Variants in DAAM1 observed in about 807,000 individuals in gnomAD.
DAAM1 encodes the protein dishevelled associated activator of morphogenesis 1.
DAAM1 carries 52 observed loss-of-function variants against 130.0 expected under a neutral mutation model. The observed-to-expected ratio is 0.40, with a 90% CI of 0.32 to 0.50. DAAM1 has a LOEUF of 0.50. Among genes scored for constraint, DAAM1 ranks in the 20% least tolerant of loss-of-function variants. The pLI is 0.61. For missense variants in DAAM1, 1,134 were observed against 1,303.8 expected (o/e 0.87, Z 2.01); for synonymous variants, 452 against 444.5 (o/e 1.02, Z -0.21).
At chr14:59,318,468 T>C (rs1043286155) in intron 4 of DAAM1, among the ~76,000 whole-genome samples, 4 of 149,764 alleles carry the variant, frequency 2.7e-5, no homozygotes, top group Non-Finnish European at 5.9e-5. Flanking sequence ...CAAAGAAGCC[T>C]CCACAAGGCC....
At chr14:59,330,367 G>C in intron 12 of DAAM1, 134 bp from the exon 13 acceptor site, 1 of 800,692 alleles carries the variant, frequency 1.2e-6, no homozygotes, top group Non-Finnish European at 1.9e-6. Flanking sequence ...CCCTTTGATG[G>C]AGAAGAGGAA....
At chr14:59,335,504 T>C (rs1885591462) in intron 15 of DAAM1, among the ~76,000 whole-genome samples, 2 of 152,220 alleles carry the variant, frequency 1.3e-5, no homozygotes, top group Non-Finnish European at 1.5e-5. Flanking sequence ...CTCCGTTTTA[T>C]GGGAAATTTT....
intron 3 of DAAM1, among the ~76,000 whole-genome samples, chr14:59,312,188 C>T (rs1884625914): frequency 6.6e-6 from 1 of 152,126 alleles, no homozygotes; most frequent in Non-Finnish European, 1.5e-5. Context: ...AATTTACTTC[C>T]AAACTGGTTG....
At chr14:59,190,485 T>C (rs901289718) in intron 1 of DAAM1, among the ~76,000 whole-genome samples, 2 of 152,202 alleles carry the variant, frequency 1.3e-5, no homozygotes, top group African/African-American at 4.8e-5. Flanking sequence ...CAATTTGCTC[T>C]AGGTGCAGCT....
At chr14:59,274,417 G>C (rs1466937178) in intron 2 of DAAM1, among the ~76,000 whole-genome samples, 1 of 151,904 alleles carries the variant, frequency 6.6e-6, no homozygotes, top group Non-Finnish European at 1.5e-5. Context: ...TCAACAGTCA[G>C]ATAGTTTGAG....
intron 15 of DAAM1, among the ~76,000 whole-genome samples, chr14:59,336,847 A>T (rs976535356): frequency 6.6e-6 from 1 of 152,262 alleles, no homozygotes; most frequent in Admixed American, 6.5e-5. Flanking sequence ...TATGTGTCAG[A>T]TACCTATGTG....
At chr14:59,360,381 A>G (rs890229551) in intron 21 of DAAM1, among the ~76,000 whole-genome samples, 1 of 152,268 alleles carries the variant, frequency 6.6e-6, no homozygotes, top group African/African-American at 2.4e-5. Context: ...CCTTAGTGAA[A>G]AGCAGAACAC....
intron 2 of DAAM1, among the ~76,000 whole-genome samples, chr14:59,283,123 C>T (rs1008953925): frequency 1.3e-5 from 2 of 152,292 alleles, no homozygotes; most frequent in Non-Finnish European, 1.5e-5. Flanking sequence ...CACACCTCTG[C>T]TCAGTTAACA....
chr14:59,209,385 T>A lies in DAAM1; in HGVS notation c.-38+20617T>A, dbSNP rs140167176. ...AGATTATTTTCTTAGGATAAATTCA[T>A]AGAAATAAATGAAACAAAAGGTGCG... On this transcript the variant is annotated intron_variant, in intron 1 of 24. Transcript: ENST00000360909. Among the ~76,000 whole-genome samples, 8 of 152,308 alleles carry A rather than the reference T, an allele frequency of 5.3e-5. No individual in the cohort carries two copies. In the East Asian group the frequency reaches 1.5e-3, roughly 29 times the overall value.
chr14:59,365,185 G>A (rs1886870374), intron 23 of DAAM1, among the ~76,000 whole-genome samples: 1 of 152,186 alleles, frequency 6.6e-6, no homozygotes, highest in South Asian at 2.1e-4. Flanking sequence ...GGGTGTGTGT[G>A]TGTAGGGGGT....
chr14:59,259,187 TGTGTGCAAAACACTAAGTGAC>T (rs1326602006), intron 1 of DAAM1, among the ~76,000 whole-genome samples: 19 of 152,238 alleles, frequency 1.2e-4, no homozygotes, highest in African/African-American at 3.6e-4. Context: ...ATTGTACCTC[TGTGTGCAAAACACTAAGTGAC>T]ATGTGCCATG....
At chr14:59,194,846 A>G (rs1341151512) in intron 1 of DAAM1, among the ~76,000 whole-genome samples, 6 of 152,216 alleles carry the variant, frequency 3.9e-5, no homozygotes, top group Non-Finnish European at 8.8e-5. Context: ...AATGGGGAAA[A>G]CCAGGGAAGC....
Position 59,322,997 on chromosome 14 carries a change from T to C in DAAM1, c.546T>C (p.Ile182=). 6.2e-7 allele frequency: 1 copy of C among 1,614,176 alleles called. No individual in the cohort carries two copies. The highest frequency in any genetic ancestry group is 8.5e-7 in the Non-Finnish European group (1 of 1,180,010). The stretch of plus-strand genomic sequence containing the variant: ...AGTCTCGAATACATACTTCTCTCAT[T>C]GGCTGTATAAAGGCGTTAATGAACA... ...TSESRIHTSL[I]GCIKALMNNS... Residue 182 remains isoleucine, a synonymous_variant, in exon 6 of 25, where the codon ATT becomes ATC. Transcript: ENST00000360909.
At chr14:59,280,684 A>T (rs1341397743) in intron 2 of DAAM1, among the ~76,000 whole-genome samples, 1 of 152,028 alleles carries the variant, frequency 6.6e-6, no homozygotes, top group East Asian at 1.9e-4. Flanking sequence ...TAGCAATGTG[A>T]TAAATTCCAC....
chr14:59,315,353 T>C lies in DAAM1; in HGVS notation c.345+2T>C. On this transcript the variant is annotated splice_donor_variant, in intron 4 of 24. Transcript: ENST00000360909. LOFTEE classifies it high-confidence loss of function. ...GATCAGCTCAATTCCATGGCTGCTG[T>C]AAGTAGACTTTTATGTTCTTTGACA... 1 of 1,613,422 alleles carries C rather than the reference T, an allele frequency of 6.2e-7. No homozygotes were observed. The highest frequency in any genetic ancestry group is 1.1e-5 in the South Asian group (1 of 91,064).
chr14:59,312,680 T>C (rs1262029762), intron 3 of DAAM1, among the ~76,000 whole-genome samples: 2 of 152,226 alleles, frequency 1.3e-5, no homozygotes, highest in Non-Finnish European at 2.9e-5. Context: ...TAGAATTTTT[T>C]ACTAGCCACT....
At chr14:59,249,067 G>A (rs1207137515) in intron 1 of DAAM1, among the ~76,000 whole-genome samples, 4 of 152,192 alleles carry the variant, frequency 2.6e-5, no homozygotes, top group East Asian at 1.9e-4. Context: ...GATTACAGGC[G>A]TGAGCCACCG....
At chr14:59,233,186 T>A (rs1340622154) in intron 1 of DAAM1, among the ~76,000 whole-genome samples, 1 of 152,228 alleles carries the variant, frequency 6.6e-6, no homozygotes, top group Non-Finnish European at 1.5e-5. Flanking sequence ...ATGGTATTTC[T>A]GGTTCTAGAT....
chr14:59,261,224 A>G (rs946290191), intron 1 of DAAM1, among the ~76,000 whole-genome samples: 1 of 151,940 alleles, frequency 6.6e-6, no homozygotes, highest in African/African-American at 2.4e-5. Context: ...TCAAAACTCC[A>G]CTCATCCATC....
Sources: allele counts gnomAD v4.1 joint callset (sites outside exome capture counted in the v4.1 genomes callset), GRCh38; gene constraint gnomAD v4.1.1; transcripts MANE v1.5; gene names NCBI Gene and HGNC (gene_info 2026-07-23, HGNC 2026-07-21).